Variants in SHB observed in about 807,000 individuals in gnomAD.
SHB encodes the protein SH2 domain containing adaptor protein B.
SHB carries 20 observed loss-of-function variants against 52.3 expected under a neutral mutation model. The observed-to-expected ratio is 0.38, with a 90% CI of 0.27 to 0.56. The LOEUF (loss-of-function observed/expected upper bound fraction) is 0.56. Among genes scored for constraint, SHB ranks in the 20% least tolerant of loss-of-function variants. The pLI, the probability that SHB is intolerant of heterozygous loss-of-function variation, is 0.71. For missense variants in SHB, 825 were observed against 723.3 expected (o/e 1.14, Z -1.61); for synonymous variants, 397 against 316.5 (o/e 1.25, Z -2.70).
chr9:38,020,777 A>T (rs967539749), intron 1 of SHB, among the ~76,000 whole-genome samples: 2 of 152,210 alleles, frequency 1.3e-5, no homozygotes, highest in Non-Finnish European at 2.9e-5. Flanking sequence ...AAATAAATTT[A>T]AAAAAAGACT....
intron 1 of SHB, among the ~76,000 whole-genome samples, chr9:38,043,437 A>G (rs114457903): frequency 2.9e-3 from 449 of 152,312 alleles, no homozygotes; most frequent in African/African-American, 0.01. Flanking sequence ...GAAAGCAGTG[A>G]GTTGCATCCT....
intron 3 of SHB, among the ~76,000 whole-genome samples, chr9:37,967,127 CTGAG>C (rs1331200647): frequency 3.3e-5 from 5 of 152,222 alleles, no homozygotes; most frequent in African/African-American, 1.2e-4. Context: ...CTACTGTCAT[CTGAG>C]TGACGACAAT....
At chr9:38,044,997 G>A (rs538539181) in intron 1 of SHB, among the ~76,000 whole-genome samples, 2 of 152,342 alleles carry the variant, frequency 1.3e-5, no homozygotes, top group East Asian at 1.9e-4. Flanking sequence ...AGGATGAGGA[G>A]GATAAAGGTG....
intron 1 of SHB, among the ~76,000 whole-genome samples, chr9:38,030,182 G>A (rs1821396487): frequency 6.6e-6 from 1 of 152,232 alleles, no homozygotes; most frequent in Non-Finnish European, 1.5e-5. Context: ...CCCAGTCAGA[G>A]AGCAACTGCC....
chr9:38,031,465 ATTTTTCTAATTTCATT>A (rs942629175), intron 1 of SHB, among the ~76,000 whole-genome samples: 1 of 152,208 alleles, frequency 6.6e-6, no homozygotes, highest in Non-Finnish European at 1.5e-5. Flanking sequence ...CTAACCGTCC[ATTTTTCTAATTTCATT>A]GGAGATCACC....
chr9:37,971,172 A>C (rs1820586472), intron 3 of SHB, among the ~76,000 whole-genome samples: 1 of 152,114 alleles, frequency 6.6e-6, no homozygotes, highest in African/African-American at 2.4e-5. Flanking sequence ...GACCACACCA[A>C]CGACTCGCTC....
intron 2 of SHB, 62 bp downstream of exon 2, chr9:38,015,949 C>G: frequency 1.9e-6 from 3 of 1,565,504 alleles, no homozygotes; most frequent in Non-Finnish European, 2.6e-6. Context: ...CCGGCAGTGC[C>G]CTCACTCCCT....
Position 38,009,038 on chromosome 9 carries a change from G to A in SHB, c.838+6973C>T, listed in dbSNP as rs146667109. Reference sequence around the variant, plus strand: ...CCTGGAACCAGGGGTCAGGGCTGACGGCAAATATGAGAGGAAGGCTGAAGT... The same window carrying A: ...CCTGGAACCAGGGGTCAGGGCTGACAGCAAATATGAGAGGAAGGCTGAAGT... On this transcript the variant is annotated intron_variant, in intron 2 of 5. Transcript: ENST00000377707. 3.0e-3 allele frequency among the ~76,000 whole-genome samples: 453 copies of A among 152,306 alleles called. 6 individuals are homozygous for A. The highest frequency in any genetic ancestry group is 0.023 in the South Asian group (113 of 4,830).
Position 37,982,973 on chromosome 9 carries a change from G to GCCCCCC in SHB, c.839-8142_839-8137dup, listed in dbSNP as rs58267859. On this transcript the variant is annotated intron_variant, in intron 2 of 5. Coordinates refer to ENST00000377707, the MANE Select transcript of SHB (RefSeq NM_003028.3). Reference sequence around the variant, plus strand: ...AAGGAAATCAGCAGGCCTCTCTGGTGCCCCCCCCTCCATCTTTTCCAGCTG... The same window carrying GCCCCCC: ...AAGGAAATCAGCAGGCCTCTCTGGTGCCCCCCCCCCCCCCTCCATCTTTTCCAGCTG... Among the ~76,000 whole-genome samples the GCCCCCC allele has an allele frequency of 7.0e-4, 101 of 145,276 alleles. 2 individuals are homozygous for GCCCCCC. The highest frequency in any genetic ancestry group is 2.1e-3 in the African/African-American group (82 of 38,180).
At chr9:37,982,814 G>T (rs140917978) in intron 2 of SHB, among the ~76,000 whole-genome samples, 2 of 151,904 alleles carry the variant, frequency 1.3e-5, no homozygotes, top group Non-Finnish European at 2.9e-5. Flanking sequence ...AAAAAAAAAA[G>T]AATAAGCATC....
rs373046657 is a variant in SHB at position 37,919,905 on chromosome 9, G to A, written c.1446C>T (p.Ile482=). The change falls in exon 6 of 6, where the codon ATC becomes ATT. Residue 482 remains isoleucine, a synonymous_variant. Transcript: ENST00000377707. ...SPPFDSVPEV[I]HYYTTRKLPI... is the part of the protein sequence containing the mutation. Reference sequence around the variant, plus strand: ...GTAGCTTTCTGGTGGTGTAGTAGTGGATGACTTCCGGGACACTGTCGAACG... The same window carrying A: ...GTAGCTTTCTGGTGGTGTAGTAGTGAATGACTTCCGGGACACTGTCGAACG... 1.9e-6 allele frequency: 3 copies of A among 1,613,902 alleles called. No individual in the cohort carries two copies. The highest frequency in any genetic ancestry group is 1.3e-5 in the African/African-American group (1 of 74,914).
At position 37,995,398 on chromosome 9, in the gene SHB, CTG is replaced by C. The variant is rs954425783; in HGVS notation, c.839-20563_839-20562del. 2.8e-4 allele frequency among the ~76,000 whole-genome samples: 42 copies of C among 151,804 alleles called. 1 individual carries two copies. The highest frequency in any genetic ancestry group is 2.5e-3 in the Admixed American group (38 of 15,236). On this transcript the variant is annotated intron_variant, in intron 2 of 5. Transcript: ENST00000377707. ...CTCTGCTGTGTATACCTGCTGGCCT[CTG>C]GGCCTGATATTCCAGCCACCTGCCC... is the stretch of plus-strand genomic sequence containing the variant.
chr9:38,060,088 A>G (rs886070475), intron 1 of SHB, among the ~76,000 whole-genome samples: 4 of 152,214 alleles, frequency 2.6e-5, no homozygotes, highest in African/African-American at 7.2e-5. Context: ...GTGCAGCTTG[A>G]GGTAGTATGG....
At chr9:38,045,317 A>G (rs114835949) in intron 1 of SHB, among the ~76,000 whole-genome samples, 453 of 152,230 alleles carry the variant, frequency 3.0e-3, no homozygotes, top group African/African-American at 0.01. Context: ...AAAAGCCACA[A>G]CGACCAGGTG....
At chr9:38,032,073 C>T (rs559701364) in intron 1 of SHB, among the ~76,000 whole-genome samples, 1 of 152,170 alleles carries the variant, frequency 6.6e-6, no homozygotes, top group Non-Finnish European at 1.5e-5. Context: ...TGCCAGGGCC[C>T]GAGAACCTCG....
intron 1 of SHB, among the ~76,000 whole-genome samples, chr9:38,062,949 G>A (rs925979790): frequency 5.9e-5 from 9 of 152,156 alleles, no homozygotes; most frequent in African/African-American, 2.2e-4. Flanking sequence ...GGCGGTTTTG[G>A]GGTGATTTGT....
intron 1 of SHB, among the ~76,000 whole-genome samples, chr9:38,035,081 G>A (rs921722579): frequency 6.6e-6 from 1 of 152,102 alleles, no homozygotes; most frequent in African/African-American, 2.4e-5. Context: ...CATAATTGAA[G>A]GGACCGAGGG....
intron 2 of SHB, among the ~76,000 whole-genome samples, chr9:38,007,332 C>T (rs148319288): frequency 6.6e-6 from 1 of 152,160 alleles, no homozygotes; most frequent in Admixed American, 6.5e-5. Flanking sequence ...TTTACTGGGC[C>T]CAGAAGAGAA....
At chr9:38,033,250 T>C (rs1821439002) in intron 1 of SHB, among the ~76,000 whole-genome samples, 1 of 152,216 alleles carries the variant, frequency 6.6e-6, no homozygotes, top group African/African-American at 2.4e-5. Flanking sequence ...TTAAAGCCTA[T>C]GCTTTCCTAA....
Sources: allele counts gnomAD v4.1 joint callset (sites outside exome capture counted in the v4.1 genomes callset), GRCh38; gene constraint gnomAD v4.1.1; transcripts MANE v1.5; gene names NCBI Gene and HGNC (gene_info 2026-07-23, HGNC 2026-07-21).